The following L3MBTL4 variants were observed in gnomAD, a reference collection of about 807,000 sequenced individuals.
The protein encoded by L3MBTL4 is L3MBTL histone methyl-lysine binding protein 4, also known as lethal(3)malignant brain tumor-like protein 4.
L3MBTL4 carries 70 observed loss-of-function variants against 84.5 expected under a neutral mutation model. That is an observed-to-expected ratio of 0.83 (90% CI 0.68 to 1.01). L3MBTL4 has a LOEUF of 1.01. Ranked by LOEUF, L3MBTL4 falls within the 50% of genes least tolerant of loss-of-function variation. The pLI is 0.00. For synonymous variants in L3MBTL4, 274 were observed against 259.8 expected, an observed-to-expected ratio of 1.05 and a Z score of -0.52; for missense variants, 715 against 754.8, an observed-to-expected ratio of 0.95 and a Z score of 0.62.
At chr18:6,271,471 A>C (rs1467942313) in intron 4 of L3MBTL4, among the ~76,000 whole-genome samples, 2 of 152,216 alleles carry the variant, frequency 1.3e-5, no homozygotes, top group African/African-American at 2.4e-5. Context: ...AGAAGGCAAA[A>C]TAGTCCCGAA....
chr18:6,181,158 T>C (rs943000679), intron 12 of L3MBTL4, among the ~76,000 whole-genome samples: 34 of 125,440 alleles, frequency 2.7e-4, no homozygotes, highest in Admixed American at 2.0e-3. Context: ...GTGAGGACAA[T>C]TTTTTTTTTT....
At chr18:6,046,528 A>T (rs935437168) in intron 16 of L3MBTL4, among the ~76,000 whole-genome samples, 5 of 152,066 alleles carry the variant, frequency 3.3e-5, no homozygotes, top group African/African-American at 4.8e-5. Flanking sequence ...TCAATAAATT[A>T]AAAAAAATTA....
chr18:6,120,825 A>C (rs1355478589), intron 14 of L3MBTL4, among the ~76,000 whole-genome samples: 1 of 152,196 alleles, frequency 6.6e-6, no homozygotes, highest in Admixed American at 6.5e-5. Context: ...AATGCAGTAC[A>C]GCATCCCACT....
rs117155556 is a variant in L3MBTL4 at position 6,068,721 on chromosome 18, G to A, written c.1444+12160C>T. ...TGCAGTGGTGTACCAGTGGGAAAAG[G>A]ACCCCCTTTCCAAGCCCCTTTATGA... On this transcript the variant is annotated intron_variant, in intron 16 of 18. Transcript: ENST00000317931. 3.6e-3 allele frequency among the ~76,000 whole-genome samples: 549 copies of A among 152,198 alleles called. 4 individuals are homozygous for A. Among genetic ancestry groups the A allele is most frequent in the Middle Eastern group, 0.01 (3 of 294 alleles).
intron 16 of L3MBTL4, among the ~76,000 whole-genome samples, chr18:6,046,047 A>G (rs947796712): frequency 6.6e-6 from 1 of 152,178 alleles, no homozygotes; most frequent in Non-Finnish European, 1.5e-5. Flanking sequence ...AGAAAGATCT[A>G]TCATGCAAGC....
intron 18 of L3MBTL4, 139 bp from the exon 19 acceptor site, chr18:5,956,526 G>C: frequency 1.4e-6 from 1 of 691,444 alleles, no homozygotes; most frequent in Non-Finnish European, 2.4e-6. Context: ...AGAGAATGAC[G>C]GTAGCTCTCA....
Position 6,332,399 on chromosome 18 carries a change from C to A in L3MBTL4, c.-90-20343G>T, listed in dbSNP as rs536400801. Among the ~76,000 whole-genome samples the A allele has an allele frequency of 5.3e-5, 8 of 152,316 alleles. No individual in the cohort carries two copies. The South Asian group carries it at 1.7e-3, about 32-fold the overall frequency. ...CCCAACATCCTCTTTCTTTGTCCAG[C>A]TACCTGATTTTTAGTTTGGGGAGTT... On this transcript the variant is annotated intron_variant, in intron 1 of 18. Transcript: ENST00000317931.
chr18:6,137,586 A>AT (rs138676638), intron 14 of L3MBTL4, among the ~76,000 whole-genome samples: 2,581 of 152,308 alleles, frequency 0.017, 79 homozygotes, highest in African/African-American at 0.058. Flanking sequence ...TAATTTATAT[A>AT]TGTTTCTAGA....
intron 13 of L3MBTL4, among the ~76,000 whole-genome samples, chr18:6,169,595 C>T (rs565739114): frequency 5.5e-4 from 82 of 147,962 alleles, no homozygotes; most frequent in African/African-American, 1.7e-3. Flanking sequence ...AACCAAACAC[C>T]GCATGTTCTC....
rs377027540 is a variant in L3MBTL4 at position 6,093,546 on chromosome 18, G to T, written c.1200-18C>A. 2.5e-6 allele frequency: 4 copies of T among 1,607,290 alleles called. No individual in the cohort carries two copies. The South Asian group carries it at 4.5e-5, about 18-fold the overall frequency. ...CAAAAGCACTGGTTTGTATAAAAATGAGAGCACAGTCATCAGTATACAGTG... is the reference window on the plus strand; with the variant it reads ...CAAAAGCACTGGTTTGTATAAAAATTAGAGCACAGTCATCAGTATACAGTG... On this transcript the variant is annotated intron_variant, in intron 14 of 18. Coordinates refer to ENST00000317931, the MANE Select transcript of L3MBTL4 (RefSeq NM_001330559.2).
chr18:6,170,438 G>C (rs1260021977), intron 13 of L3MBTL4, among the ~76,000 whole-genome samples: 1 of 152,140 alleles, frequency 6.6e-6, no homozygotes. Context: ...TTATATGTGT[G>C]GGTTGAGGAA....
At chr18:6,168,994 C>G (rs2043826249) in intron 13 of L3MBTL4, among the ~76,000 whole-genome samples, 1 of 152,238 alleles carries the variant, frequency 6.6e-6, no homozygotes, top group South Asian at 2.1e-4. Context: ...AAAAAACAAA[C>G]AACCCCATCA....
chr18:6,033,037 C>T (rs1182597445), intron 16 of L3MBTL4, among the ~76,000 whole-genome samples: 7 of 152,116 alleles, frequency 4.6e-5, no homozygotes, highest in African/African-American at 1.7e-4. Context: ...TAGATAGCTG[C>T]TTCATTGTGT....
intron 10 of L3MBTL4, among the ~76,000 whole-genome samples, chr18:6,235,974 T>C (rs745478730): frequency 2.0e-5 from 3 of 152,222 alleles, no homozygotes; most frequent in Non-Finnish European, 2.9e-5. Context: ...AAGTCCTGTG[T>C]TCATGGGAAG....
chr18:6,102,943 G>A (rs896742680), intron 14 of L3MBTL4, among the ~76,000 whole-genome samples: 25 of 152,184 alleles, frequency 1.6e-4, no homozygotes, highest in Non-Finnish European at 1.0e-4. Context: ...AAGAGAGAGC[G>A]AGAGTGTGTG....
intron 12 of L3MBTL4, among the ~76,000 whole-genome samples, chr18:6,199,809 T>A (rs1173630103): frequency 6.6e-6 from 1 of 152,140 alleles, no homozygotes; most frequent in African/African-American, 2.4e-5. Flanking sequence ...CACAAAGAAG[T>A]AATGTTGTAG....
chr18:6,202,054 T>C (rs1275079055), intron 12 of L3MBTL4, among the ~76,000 whole-genome samples: 1 of 150,962 alleles, frequency 6.6e-6, no homozygotes, highest in African/African-American at 2.5e-5. Flanking sequence ...TTTCAGCCAG[T>C]CAAAGGCAGA....
intron 16 of L3MBTL4, among the ~76,000 whole-genome samples, chr18:6,053,007 G>A (rs1025295253): frequency 1.4e-4 from 21 of 152,158 alleles, no homozygotes; most frequent in Non-Finnish European, 2.2e-4. Context: ...TTTATCATTC[G>A]GAAGAACAAG....
chr18:6,071,387 C>T (rs899238298), intron 16 of L3MBTL4, among the ~76,000 whole-genome samples: 85 of 123,068 alleles, frequency 6.9e-4, no homozygotes, highest in African/African-American at 2.3e-3. Flanking sequence ...GAGACTCTTT[C>T]AATTAAAAAA....
Sources: gnomAD v4.1 joint callset for allele counts (sites outside exome capture counted in the v4.1 genomes callset) on GRCh38, gnomAD v4.1.1 for gene constraint, MANE v1.5 for transcripts, NCBI Gene and HGNC (gene_info 2026-07-23, HGNC 2026-07-21) for gene names.